Variants in USP12 observed in about 807,000 individuals in gnomAD.
USP12 encodes the protein ubiquitin specific peptidase 12, also known as ubiquitin carboxyl-terminal hydrolase 12.
In USP12, 19 loss-of-function variants were observed where a neutral mutation model predicts 45.5. That is an observed-to-expected ratio of 0.42 (90% confidence interval 0.29 to 0.61). The LOEUF (loss-of-function observed/expected upper bound fraction) is 0.61, where lower values mean the gene tolerates loss of function less well. USP12 is among the 20% of genes least tolerant of loss of function. The pLI is 0.22. For missense variants in USP12, 242 were observed against 447.7 expected, an observed-to-expected ratio of 0.54 and a Z score of 4.15; for synonymous variants, 149 against 148.8, an observed-to-expected ratio of 1.00 and a Z score of -0.01.
At chr13:27,133,626 C>CAAA (rs11365356) in intron 1 of USP12, among the ~76,000 whole-genome samples, 3 of 103,388 alleles carry the variant, frequency 2.9e-5, no homozygotes, top group Non-Finnish European at 5.9e-5. Flanking sequence ...GACTCTGTCT[C>CAAA]AAAAAAAAAA....
chr13:27,123,731 A>G (rs1440020178), intron 1 of USP12, among the ~76,000 whole-genome samples: 1 of 152,210 alleles, frequency 6.6e-6, no homozygotes, highest in African/African-American at 2.4e-5. Flanking sequence ...GATCTTCTGC[A>G]TTCCACTATG....
intron 1 of USP12, among the ~76,000 whole-genome samples, chr13:27,140,561 T>C (rs1877009216): frequency 6.6e-6 from 1 of 152,194 alleles, no homozygotes; most frequent in Admixed American, 6.5e-5. Context: ...AGGACTCTAC[T>C]AGGAACTTTA....
chr13:27,165,055 C>CTT (rs35532017), intron 1 of USP12, among the ~76,000 whole-genome samples: 1 of 145,482 alleles, frequency 6.9e-6, no homozygotes. Flanking sequence ...AGCTGGTGTG[C>CTT]TTTTTTTTTT....
At chr13:27,154,246 C>T (rs1416103977) in intron 1 of USP12, among the ~76,000 whole-genome samples, 1 of 152,212 alleles carries the variant, frequency 6.6e-6, no homozygotes, top group Non-Finnish European at 1.5e-5. Context: ...GTAATCTTAA[C>T]ATCCTAAAAT....
chr13:27,114,417 T>C (rs1461337203), intron 2 of USP12, among the ~76,000 whole-genome samples: 2 of 152,200 alleles, frequency 1.3e-5, no homozygotes, highest in African/African-American at 2.4e-5. Flanking sequence ...GGCCTGTAAG[T>C]GGGATACTTT....
At chr13:27,143,615 T>C (rs780555699) in intron 1 of USP12, among the ~76,000 whole-genome samples, 1 of 152,208 alleles carries the variant, frequency 6.6e-6, no homozygotes, top group Non-Finnish European at 1.5e-5. Context: ...ATTTCCCTTA[T>C]GATGAAGACA....
chr13:27,164,541 T>A (rs900641127), intron 1 of USP12, among the ~76,000 whole-genome samples: 2 of 152,230 alleles, frequency 1.3e-5, no homozygotes, highest in Admixed American at 6.5e-5. Flanking sequence ...GTTTACACTA[T>A]CACAAAAGTC....
chr13:27,128,316 CCTT>C (rs1876336442), intron 1 of USP12, among the ~76,000 whole-genome samples: 1 of 152,164 alleles, frequency 6.6e-6, no homozygotes, highest in Non-Finnish European at 1.5e-5. Context: ...CTCTGTCAAG[CCTT>C]CACATTTGGC....
At position 27,105,767 on chromosome 13, in the gene USP12, G is replaced by A. The variant is rs902583483; in HGVS notation, c.307C>T (p.Pro103Ser). The A allele has an allele frequency of 6.2e-7, 1 of 1,613,572 alleles. No individual in the cohort carries two copies. The highest frequency in any genetic ancestry group is 8.5e-7 in the Non-Finnish European group (1 of 1,179,746). The change falls in exon 3 of 9, where the codon CCT (proline) becomes TCT (serine). Residue 103 changes from proline (P) to serine (S), a missense_variant. This residue lies in a region of USP12 where 77 missense variants were observed against 153.7 expected (regional missense o/e 0.50). Coordinates refer to ENST00000282344, the MANE Select transcript of USP12 (RefSeq NM_182488.4). ...TQKKKVGVIP[P>S]KKFITRLRKE... ...CGTAATCTTGTGATGAACTTCTTAG[G>A]GGGTATTACTCCAACCTTTTTCTTC... is the stretch of plus-strand genomic sequence containing the variant.
intron 2 of USP12, among the ~76,000 whole-genome samples, chr13:27,116,082 G>T (rs1038474526): frequency 2.0e-5 from 3 of 152,144 alleles, no homozygotes; most frequent in Non-Finnish European, 4.4e-5. Context: ...GGAGGCTGAG[G>T]TTGGCGGATC....
intron 1 of USP12, among the ~76,000 whole-genome samples, chr13:27,154,918 G>A (rs1453994343): frequency 6.6e-6 from 1 of 151,984 alleles, no homozygotes. Context: ...AGATGCTGCA[G>A]GGGCCAGGAG....
At chr13:27,104,290 C>G (rs779242803) in intron 3 of USP12, among the ~76,000 whole-genome samples, 2 of 152,202 alleles carry the variant, frequency 1.3e-5, no homozygotes, top group Non-Finnish European at 2.9e-5. Flanking sequence ...CTTGGCCTCC[C>G]AAAGTGCTGG....
chr13:27,167,285 A>C (rs1878392766), intron 1 of USP12, among the ~76,000 whole-genome samples: 1 of 152,078 alleles, frequency 6.6e-6, no homozygotes, highest in South Asian at 2.1e-4. Context: ...AAATAAATAA[A>C]TAAATAACAT....
chr13:27,105,741 C>T lies in USP12; in HGVS notation c.333G>A (p.Arg111=), dbSNP rs747983386. The T allele has an allele frequency of 1.2e-6, 2 of 1,613,176 alleles. No individual in the cohort carries two copies. Residue 111 remains arginine, a synonymous_variant, in exon 3 of 9, where the codon CGG becomes CGA. Coordinates refer to ENST00000282344, the MANE Select transcript of USP12 (RefSeq NM_182488.4). The part of the protein sequence containing the change: ...IPPKKFITRL[R]KENELFDNYM... ...GGGAAGTAGAATTACCATTTTCTTT[C>T]CGTAATCTTGTGATGAACTTCTTAG...
chr13:27,167,329 G>T (rs567243072), intron 1 of USP12, among the ~76,000 whole-genome samples: 1 of 152,002 alleles, frequency 6.6e-6, no homozygotes, highest in Non-Finnish European at 1.5e-5. Context: ...CCTTCCTTTT[G>T]CTTTCTTGGA....
intron 6 of USP12, among the ~76,000 whole-genome samples, chr13:27,086,443 A>C (rs1874052443): frequency 6.6e-6 from 1 of 151,618 alleles, no homozygotes; most frequent in African/African-American, 2.4e-5. Context: ...ATACATACAC[A>C]CTTTAAAAAT....
At chr13:27,097,887 C>A (rs73155875) in intron 3 of USP12, among the ~76,000 whole-genome samples, 7,609 of 152,000 alleles carry the variant, frequency 0.05, 248 homozygotes, top group Non-Finnish European at 0.059. Flanking sequence ...TATTTTCATA[C>A]ACATAATGAG....
At chr13:27,126,626 A>G (rs984900023) in intron 1 of USP12, among the ~76,000 whole-genome samples, 1 of 152,118 alleles carries the variant, frequency 6.6e-6, no homozygotes, top group African/African-American at 2.4e-5. Context: ...AATATAAACT[A>G]AACTACTGAG....
At chr13:27,143,681 C>T (rs1231349101) in intron 1 of USP12, among the ~76,000 whole-genome samples, 1 of 152,224 alleles carries the variant, frequency 6.6e-6, no homozygotes, top group East Asian at 1.9e-4. Context: ...AGTGATACAA[C>T]TGCCATCATG....
Sources: allele counts gnomAD v4.1 joint callset (sites outside exome capture counted in the v4.1 genomes callset), GRCh38; gene constraint gnomAD v4.1.1; regional missense constraint gnomAD v4.1.1; transcripts MANE v1.5; gene names NCBI Gene and HGNC (gene_info 2026-07-23, HGNC 2026-07-21).